CNOT6L: variants seen among roughly 807,000 people sequenced by gnomAD.
CNOT6L encodes CCR4-NOT transcription complex subunit 6-like.
Under a neutral mutation model 64.0 loss-of-function variants are expected in CNOT6L, and 7 were observed. The observed-to-expected ratio is 0.11, with a 90% CI of 0.06 to 0.21. The LOEUF is 0.21. CNOT6L is among the 10% of genes least tolerant of loss of function. The pLI is 1.00. For missense variants in CNOT6L, 245 were observed against 669.0 expected (o/e 0.37, Z 6.99); for synonymous variants, 193 against 243.4 (o/e 0.79, Z 1.93).
rs1720507449 is a variant in CNOT6L, at chr4:77,714,385, T to C, written c.*6046A>G. On this transcript the variant is annotated 3_prime_UTR_variant, in exon 12 of 12. Transcript: ENST00000504123. ...AAGATATAAATTAATCGATGGTGAA[T>C]TTGACCAACACCCTGGCCCTTATAG... 7.1e-6 allele frequency: 1 copy of C among 140,270 alleles called. No homozygotes were observed. The highest frequency in any genetic ancestry group is 7.4e-5 in the Admixed American group (1 of 13,546). The allele number at this position is 140,270 out of a possible 1,614,324, so 8.7% of individuals were successfully genotyped here.
intron 1 of CNOT6L, among the ~76,000 whole-genome samples, chr4:77,787,269 AAAT>A (rs999157093): frequency 3.3e-5 from 5 of 152,134 alleles, no homozygotes; most frequent in African/African-American, 7.2e-5. Flanking sequence ...CTGTCTCAAA[AAAT>A]AATAACAATA....
chr4:77,747,154 C>G lies in CNOT6L; in HGVS notation c.559+1162G>C, dbSNP rs570944111. On this transcript the variant is annotated intron_variant, in intron 6 of 11. Coordinates refer to ENST00000504123, the MANE Select transcript of CNOT6L (RefSeq NM_144571.3). ...ATATAAAGTCTAATTGTGATTTACC[C>G]TTTAAAAATTAACTATCTCTTTTTT... is the stretch of plus-strand genomic sequence containing the variant. Among the ~76,000 whole-genome samples, 26 of 152,094 alleles carry G rather than the reference C, an allele frequency of 1.7e-4. No homozygotes were observed. In the South Asian group the frequency reaches 3.5e-3, roughly 21 times the overall value.
intron 4 of CNOT6L, among the ~76,000 whole-genome samples, chr4:77,772,464 C>CT (rs1002745484): frequency 4.3e-4 from 63 of 145,270 alleles, no homozygotes; most frequent in Middle Eastern, 3.6e-3. Flanking sequence ...CTAGTATTCC[C>CT]TTTTTTTTTT....
chr4:77,787,920 A>G (rs1729635294), intron 1 of CNOT6L, among the ~76,000 whole-genome samples: 2 of 152,240 alleles, frequency 1.3e-5, no homozygotes, highest in African/African-American at 4.8e-5. Context: ...TTCTAATCCA[A>G]TTCCACTACA....
At chr4:77,751,721 A>G (rs1156907612) in intron 5 of CNOT6L, among the ~76,000 whole-genome samples, 1 of 152,242 alleles carries the variant, frequency 6.6e-6, no homozygotes, top group Non-Finnish European at 1.5e-5. Context: ...TGAAAGCCTA[A>G]GGAAGTGGTA....
At chr4:77,774,426 G>A in intron 3 of CNOT6L, 104 bp downstream of exon 3, 5 of 887,286 alleles carry the variant, frequency 5.6e-6, no homozygotes, top group Non-Finnish European at 8.5e-6. Context: ...TATATAATTT[G>A]ATAGTTACAA....
chr4:77,753,181 C>A (rs1725039080), intron 5 of CNOT6L, among the ~76,000 whole-genome samples: 1 of 133,426 alleles, frequency 7.5e-6, no homozygotes, highest in African/African-American at 2.7e-5. Flanking sequence ...TAATTTAAAA[C>A]TTCCTACCAG....
intron 1 of CNOT6L, among the ~76,000 whole-genome samples, chr4:77,812,291 A>G (rs375717254): frequency 3.3e-5 from 5 of 151,914 alleles, no homozygotes; most frequent in African/African-American, 1.2e-4. Context: ...TACAGAAATT[A>G]GCCAGGCATG....
intron 11 of CNOT6L, among the ~76,000 whole-genome samples, chr4:77,722,775 A>G (rs1418536176): frequency 6.6e-6 from 1 of 152,168 alleles, no homozygotes; most frequent in Non-Finnish European, 1.5e-5. Flanking sequence ...ATATTTGTAC[A>G]TATGCATCTA....
intron 1 of CNOT6L, among the ~76,000 whole-genome samples, chr4:77,779,953 G>A (rs1348797886): frequency 1.3e-5 from 2 of 152,152 alleles, no homozygotes; most frequent in East Asian, 3.9e-4. Flanking sequence ...AACAGAGTGA[G>A]ACCCTGTCTC....
At chr4:77,776,156 TGTA>T (rs931764379) in intron 2 of CNOT6L, 112 bp downstream of exon 2, 53 of 986,272 alleles carry the variant, frequency 5.4e-5, no homozygotes, top group Non-Finnish European at 8.0e-5. Context: ...CTTACCATCT[TGTA>T]GTTTTTCAAT....
chr4:77,808,439 G>A (rs1732499177), intron 1 of CNOT6L, among the ~76,000 whole-genome samples: 1 of 148,564 alleles, frequency 6.7e-6, no homozygotes, highest in African/African-American at 2.5e-5. Context: ...TCCAGCCTGG[G>A]TGAGAGTGGG....
chr4:77,737,771 A>G lies in CNOT6L; in HGVS notation c.872+4370T>C, dbSNP rs547367935. On this transcript the variant is annotated intron_variant, in intron 8 of 11. Transcript: ENST00000504123. ...CATCCACATTCATTATTTTAACCCC[A>G]TAAGAAACCTCTAAAGTGGAACAGT... is the stretch of plus-strand genomic sequence containing the variant. Among the ~76,000 whole-genome samples, 18 of 152,158 alleles carry G rather than the reference A, an allele frequency of 1.2e-4. No homozygotes were observed. The South Asian group carries it at 3.7e-3, about 32-fold the overall frequency.
At chr4:77,814,007 A>G (rs1024844764) in intron 1 of CNOT6L, among the ~76,000 whole-genome samples, 2 of 152,238 alleles carry the variant, frequency 1.3e-5, no homozygotes, top group Admixed American at 6.5e-5. Context: ...CAGCTCATGA[A>G]TAAGATAAAT....
chr4:77,802,146 T>C (rs1368074694), intron 1 of CNOT6L, among the ~76,000 whole-genome samples: 4 of 152,178 alleles, frequency 2.6e-5, no homozygotes, highest in Non-Finnish European at 4.4e-5. Flanking sequence ...AGGTTGATGA[T>C]TGTGAGGTGT....
At chr4:77,747,474 T>C (rs781716692) in intron 6 of CNOT6L, among the ~76,000 whole-genome samples, 1 of 152,162 alleles carries the variant, frequency 6.6e-6, no homozygotes, top group African/African-American at 2.4e-5. Context: ...AGCCAAAATC[T>C]ATTAATGTAG....
rs753894061 is a variant in CNOT6L at position 77,720,458 on chromosome 4, A to G, written c.1641T>C (p.Asn547=). The part of the protein sequence containing the change: ...ELHPPLLPLV[N]GVHLPNRR Reference sequence around the variant, plus strand: ...ACCTCCGATTAGGCAAGTGAACACCATTGACAAGAGGCAGGAGTGGAGGGT... The same window carrying G: ...ACCTCCGATTAGGCAAGTGAACACCGTTGACAAGAGGCAGGAGTGGAGGGT... Residue 547 remains asparagine, a synonymous_variant, in exon 12 of 12, where the codon AAT becomes AAC. Transcript: ENST00000504123. The G allele has an allele frequency of 6.2e-7, 1 of 1,613,510 alleles. No individual in the cohort carries two copies. Among genetic ancestry groups the G allele is most frequent in the South Asian group, 1.1e-5 (1 of 91,074 alleles).
chr4:77,782,512 T>TC (rs1244354799), intron 1 of CNOT6L, among the ~76,000 whole-genome samples: 1 of 151,124 alleles, frequency 6.6e-6, no homozygotes, highest in Non-Finnish European at 1.5e-5. Flanking sequence ...TTATTTTATT[T>TC]TTTTTTTTAG....
intron 1 of CNOT6L, among the ~76,000 whole-genome samples, chr4:77,779,889 G>A (rs867215602): frequency 7.9e-5 from 12 of 152,224 alleles, no homozygotes; most frequent in Middle Eastern, 6.8e-3. Flanking sequence ...GCATGAACCC[G>A]GGAGGCGGAG....
Sources: gnomAD v4.1 joint callset for allele counts (sites outside exome capture counted in the v4.1 genomes callset) on GRCh38, gnomAD v4.1.1 for gene constraint, MANE v1.5 for transcripts, NCBI Gene and HGNC (gene_info 2026-07-23, HGNC 2026-07-21) for gene names.